PCSK5: variants seen among roughly 807,000 people sequenced by gnomAD.
PCSK5 encodes proprotein convertase subtilisin/kexin type 5.
Under a neutral mutation model 233.2 loss-of-function variants are expected in PCSK5, and 129 were observed. The observed-to-expected ratio is 0.55, with a 90% CI of 0.48 to 0.64. The LOEUF (loss-of-function observed/expected upper bound fraction) is 0.64, where lower values mean the gene tolerates loss of function less well. Ranked by LOEUF, PCSK5 falls within the 30% of genes least tolerant of loss-of-function variation. The pLI is 0.00. For missense variants in PCSK5, 2,076 were observed against 2,430.1 expected (o/e 0.85, Z 3.06); for synonymous variants, 825 against 879.2 (o/e 0.94, Z 1.09).
chr9:76,209,479 CT>C (rs746597356), intron 20 of PCSK5: 1 of 509,820 alleles, frequency 2.0e-6, no homozygotes, highest in Non-Finnish European at 3.9e-6. Flanking sequence ...ACTACTGTAT[CT>C]CAGATGCCTG....
intron 23 of PCSK5, among the ~76,000 whole-genome samples, chr9:76,240,349 A>C (rs780111582): frequency 3.3e-5 from 5 of 152,212 alleles, no homozygotes; most frequent in Non-Finnish European, 7.3e-5. Context: ...AATAAATAAA[A>C]TCAATGAGCT....
chr9:76,081,846 C>T (rs893229865), intron 7 of PCSK5, among the ~76,000 whole-genome samples: 2 of 152,074 alleles, frequency 1.3e-5, no homozygotes, highest in African/African-American at 4.8e-5. Flanking sequence ...GTAAGTCTTG[C>T]ATGTACTGTT....
At chr9:75,935,633 C>G (rs1416342890) in intron 2 of PCSK5, among the ~76,000 whole-genome samples, 1 of 152,116 alleles carries the variant, frequency 6.6e-6, no homozygotes, top group Non-Finnish European at 1.5e-5. Context: ...TGTCATGTTT[C>G]CCGAGTCCTC....
intron 20 of PCSK5, chr9:76,205,152 A>G (rs1160261346): frequency 5.8e-6 from 3 of 518,826 alleles, no homozygotes; most frequent in Non-Finnish European, 3.8e-6. Context: ...TTTTTCCCCC[A>G]CCAAAATATA....
intron 2 of PCSK5, among the ~76,000 whole-genome samples, chr9:75,953,897 A>G (rs1241973123): frequency 6.6e-6 from 1 of 152,150 alleles, no homozygotes; most frequent in African/African-American, 2.4e-5. Flanking sequence ...TATGAGCCCC[A>G]TTGAAGTCCT....
chr9:76,198,707 ATAT>A, intron 20 of PCSK5, among the ~76,000 whole-genome samples: 2 of 152,284 alleles, frequency 1.3e-5, no homozygotes, highest in Middle Eastern at 6.8e-3. Flanking sequence ...CCATAAATAA[ATAT>A]TATTGAGTCC....
At position 76,022,238 on chromosome 9, in the gene PCSK5, G is replaced by A. The variant is rs574267591; in HGVS notation, c.412-1500G>A. ...TTTATCTTCTGTGTCTCGCCTTTAGGACAGGGACCTCATCTGCCTTGCGCA... is the reference window on the plus strand; with the variant it reads ...TTTATCTTCTGTGTCTCGCCTTTAGAACAGGGACCTCATCTGCCTTGCGCA... On this transcript the variant is annotated intron_variant, in intron 3 of 37. Transcript: ENST00000674117. Among the ~76,000 whole-genome samples, 43 of 152,300 alleles carry A rather than the reference G, an allele frequency of 2.8e-4. No individual in the cohort carries two copies. The South Asian group carries it at 8.7e-3, about 31-fold the overall frequency.
chr9:76,344,041 T>A (rs1829909572), intron 35 of PCSK5, among the ~76,000 whole-genome samples: 1 of 152,224 alleles, frequency 6.6e-6, no homozygotes, highest in African/African-American at 2.4e-5. Context: ...CTGAGATGTT[T>A]TACATGTGTT....
intron 17 of PCSK5, among the ~76,000 whole-genome samples, chr9:76,185,619 T>C (rs1824068353): frequency 6.6e-6 from 1 of 152,168 alleles, no homozygotes; most frequent in South Asian, 2.1e-4. Flanking sequence ...ATGCATTCAG[T>C]ATTAGCTTAC....
intron 20 of PCSK5, among the ~76,000 whole-genome samples, chr9:76,212,451 GAAAATACTGCCACTGAC>G (rs1275353014): frequency 1.3e-5 from 2 of 152,212 alleles, no homozygotes; most frequent in Non-Finnish European, 2.9e-5. Flanking sequence ...TGAGCAGGCT[GAAAATACTGCCACTGAC>G]AAAATACTGC....
chr9:76,086,349 T>C (rs564078735), intron 7 of PCSK5, among the ~76,000 whole-genome samples: 3 of 152,198 alleles, frequency 2.0e-5, no homozygotes, highest in Non-Finnish European at 4.4e-5. Context: ...AAACCTAGTC[T>C]GCCTGCCCCT....
chr9:76,055,749 A>G (rs952526520), intron 5 of PCSK5, among the ~76,000 whole-genome samples: 1 of 152,182 alleles, frequency 6.6e-6, no homozygotes, highest in Non-Finnish European at 1.5e-5. Flanking sequence ...GCAGAATGAT[A>G]GAAAGTCATT....
intron 12 of PCSK5, among the ~76,000 whole-genome samples, chr9:76,166,022 T>C (rs1823072124): frequency 6.6e-6 from 1 of 152,230 alleles, no homozygotes; most frequent in African/African-American, 2.4e-5. Context: ...AATGTTACAA[T>C]GGTAGAAAAT....
intron 5 of PCSK5, among the ~76,000 whole-genome samples, chr9:76,063,356 A>G (rs1265966556): frequency 7.1e-5 from 4 of 56,068 alleles, no homozygotes; most frequent in African/African-American, 2.9e-4. Flanking sequence ...TTTATTGATA[A>G]TTCTTGGGTG....
At chr9:75,942,665 C>G (rs891787863) in intron 2 of PCSK5, among the ~76,000 whole-genome samples, 53 of 152,014 alleles carry the variant, frequency 3.5e-4, no homozygotes, top group African/African-American at 1.2e-3. Flanking sequence ...CTATGACTGC[C>G]CTGGGAGACA....
rs1391369072 is a variant in PCSK5, at chr9:76,295,377, G to A, written c.3288G>A (p.Gly1096=). 1 of 1,612,252 alleles carries A rather than the reference G, an allele frequency of 6.2e-7. No individual in the cohort carries two copies. Among genetic ancestry groups the A allele is most frequent in the Non-Finnish European group, 8.5e-7 (1 of 1,179,416 alleles). ...DSNCGSCDQN[G]CYWCEEGFFL... is the part of the protein sequence containing the mutation. ...ACTGTGGCAGCTGTGACCAGAATGG[G>A]TGTTACTGGTGTGAAGAGGGCTTCT... The change falls in exon 26 of 38, where the codon GGG becomes GGA. Residue 1096 remains glycine, a synonymous_variant. Transcript: ENST00000674117.
chr9:75,998,746 A>C (rs888681339), intron 3 of PCSK5, among the ~76,000 whole-genome samples: 1 of 152,198 alleles, frequency 6.6e-6, no homozygotes, highest in African/African-American at 2.4e-5. Flanking sequence ...CCACGTCTCC[A>C]TTACCAACTT....
chr9:76,106,124 C>T (rs1165377227), intron 8 of PCSK5, among the ~76,000 whole-genome samples: 1 of 152,204 alleles, frequency 6.6e-6, no homozygotes, highest in African/African-American at 2.4e-5. Flanking sequence ...CTGGATCCCC[C>T]TTCACCTTTC....
intron 12 of PCSK5, among the ~76,000 whole-genome samples, chr9:76,160,048 C>T (rs773792962): frequency 2.6e-5 from 4 of 152,078 alleles, no homozygotes; most frequent in Non-Finnish European, 5.9e-5. Context: ...GTCTCGATCT[C>T]CTGACCTCGT....
Sources: gnomAD v4.1 joint callset for allele counts (sites outside exome capture counted in the v4.1 genomes callset) on GRCh38, gnomAD v4.1.1 for gene constraint, MANE v1.5 for transcripts, NCBI Gene and HGNC (gene_info 2026-07-23, HGNC 2026-07-21) for gene names.